The following ASB7 variants were observed in gnomAD, a reference collection of about 807,000 sequenced individuals.
ASB7 encodes ankyrin repeat and SOCS box containing 7, also known as ankyrin repeat and SOCS box protein 7.
In ASB7, 4 loss-of-function variants were observed where a neutral mutation model predicts 32.5. The observed-to-expected ratio is 0.12, with a 90% CI of 0.06 to 0.28. The LOEUF (loss-of-function observed/expected upper bound fraction) is 0.28. ASB7 is among the 10% of genes least tolerant of loss of function. The pLI is 1.00. For missense variants in ASB7, 181 were observed against 407.1 expected (o/e 0.44, Z 4.78); for synonymous variants, 172 against 155.6 (o/e 1.11, Z -0.78).
At chr15:100,632,692 C>T (rs1054585377) in intron 5 of ASB7, among the ~76,000 whole-genome samples, 1 of 152,092 alleles carries the variant, frequency 6.6e-6, no homozygotes, top group Non-Finnish European at 1.5e-5. Context: ...GCAGAGGGGC[C>T]ACATGGTGGT....
intron 5 of ASB7, among the ~76,000 whole-genome samples, chr15:100,640,317 G>T (rs1322350891): frequency 6.6e-6 from 1 of 152,030 alleles, no homozygotes; most frequent in Non-Finnish European, 1.5e-5. Context: ...GCTAATTTTT[G>T]TATTTTTAGT....
rs550844781 is a variant in ASB7, at chr15:100,617,457, G to A, written c.211+5030G>A. On this transcript the variant is annotated intron_variant, in intron 4 of 5. Coordinates refer to ENST00000332783, the MANE Select transcript of ASB7 (RefSeq NM_198243.3). ...TTGGCCTGGGACCCTCTTGGGTCAC[G>A]CTTCTGCTCTCTCCCCACCCCTGCC... 1.4e-4 allele frequency among the ~76,000 whole-genome samples: 22 copies of A among 152,248 alleles called. No homozygotes were observed. In the East Asian group the frequency reaches 3.1e-3, roughly 21 times the overall value.
intron 5 of ASB7, among the ~76,000 whole-genome samples, chr15:100,643,002 C>T (rs1433723523): frequency 6.6e-6 from 1 of 152,230 alleles, no homozygotes; most frequent in Non-Finnish European, 1.5e-5. Context: ...TGCCACTGCA[C>T]TCCAGGCTGG....
chr15:100,648,109 TG>T (rs1422977429), intron 5 of ASB7, among the ~76,000 whole-genome samples: 1 of 152,202 alleles, frequency 6.6e-6, no homozygotes, highest in African/African-American at 2.4e-5. Context: ...ATTGGTAAAA[TG>T]GAGTTGAAAA....
rs539435305 is a variant in ASB7, at chr15:100,621,706, T to G, written c.212-7731T>G. 4.6e-5 allele frequency among the ~76,000 whole-genome samples: 7 copies of G among 151,978 alleles called. 1 individual carries two copies. The highest frequency in any genetic ancestry group is 1.7e-4 in the African/African-American group (7 of 41,470). ...TCTGTATACTTCTAGAATCCAGTAATCCCAAAGTAAAAACAAGAATGAAAT... is the reference window on the plus strand; with the variant it reads ...TCTGTATACTTCTAGAATCCAGTAAGCCCAAAGTAAAAACAAGAATGAAAT... On this transcript the variant is annotated intron_variant, in intron 4 of 5. Coordinates refer to ENST00000332783, the MANE Select transcript of ASB7 (RefSeq NM_198243.3).
chr15:100,619,505 C>A (rs141480443), intron 4 of ASB7, among the ~76,000 whole-genome samples: 135 of 152,164 alleles, frequency 8.9e-4, no homozygotes, highest in African/African-American at 3.2e-3. Context: ...GAGCTTTTGG[C>A]CTGAGGATCA....
At chr15:100,622,823 G>A (rs929588538) in intron 4 of ASB7, among the ~76,000 whole-genome samples, 9 of 152,120 alleles carry the variant, frequency 5.9e-5, no homozygotes, top group African/African-American at 1.2e-4. Context: ...GACCTGGAAC[G>A]TCACATCTAC....
intron 5 of ASB7, chr15:100,646,768 C>T (rs779132929): frequency 4.9e-4 from 76 of 153,572 alleles, no homozygotes; most frequent in Non-Finnish European, 9.4e-4. Context: ...CACAGGTAAG[C>T]GAGAAGTTGC....
chr15:100,626,443 A>T (rs1484853171), intron 4 of ASB7, among the ~76,000 whole-genome samples: 1 of 152,220 alleles, frequency 6.6e-6, no homozygotes, highest in Non-Finnish European at 1.5e-5. Context: ...AATTAAAATG[A>T]CTAATGATAC....
chr15:100,623,655 C>A (rs1027488183), intron 4 of ASB7, among the ~76,000 whole-genome samples: 4 of 152,160 alleles, frequency 2.6e-5, no homozygotes, highest in Admixed American at 2.6e-4. Flanking sequence ...ATTAGTATAA[C>A]CACTGTGGAA....
intron 4 of ASB7, among the ~76,000 whole-genome samples, chr15:100,628,491 G>A (rs2039858890): frequency 6.6e-6 from 1 of 152,066 alleles, no homozygotes; most frequent in Non-Finnish European, 1.5e-5. Flanking sequence ...TTTCATCCTG[G>A]GTAGTTAGGT....
chr15:100,648,296 AAC>A, intron 5 of ASB7, 25 bp from the exon 6 acceptor site: 1 of 1,564,720 alleles, frequency 6.4e-7, no homozygotes, highest in East Asian at 2.3e-5. Context: ...GTGGCTTTGT[AAC>A]ATTTTCTTTT....
Position 100,629,517 on chromosome 15 carries a change from C to T in ASB7, c.292C>T (p.Arg98Cys). 2.5e-6 allele frequency: 4 copies of T among 1,614,036 alleles called. No individual in the cohort carries two copies. The highest frequency in any genetic ancestry group is 1.3e-5 in the African/African-American group (1 of 75,044). The change falls in exon 5 of 6, where the codon CGC becomes TGC. Residue 98 changes from arginine (R) to cysteine (C), a missense_variant. By Grantham distance (180) the Arg-to-Cys change is radical. Coordinates refer to ENST00000332783, the MANE Select transcript of ASB7 (RefSeq NM_198243.3). This position sits in a 1 kb window ranked among gnomAD's most constrained non-coding sequence, Gnocchi z 6.8. ...CATGCATGGCCGGGCCCGCATTGCACGCTTGATGTTAGAATCTGAATACAG... is the reference window on the plus strand; with the variant it reads ...CATGCATGGCCGGGCCCGCATTGCATGCTTGATGTTAGAATCTGAATACAG... Reference protein sequence around the residue: ...AAMHGRARIARLMLESEYRSD... With the variant: ...AAMHGRARIACLMLESEYRSD...
At chr15:100,619,300 A>G (rs181588710) in intron 4 of ASB7, among the ~76,000 whole-genome samples, 1 of 152,236 alleles carries the variant, frequency 6.6e-6, no homozygotes, top group Non-Finnish European at 1.5e-5. Flanking sequence ...GTTCAGTAAG[A>G]TTGGAATATA....
Position 100,651,449 on chromosome 15 carries a change from C to T in ASB7, c.*2987C>T, listed in dbSNP as rs1297336838. 3 of 152,122 alleles carry T rather than the reference C, an allele frequency of 2.0e-5. No homozygotes were observed. Among genetic ancestry groups the T allele is most frequent in the African/African-American group, 4.8e-5 (2 of 41,416 alleles). The allele number at this position is 152,122 out of a possible 1,614,324, so 9.4% of individuals were successfully genotyped here. Reference sequence around the variant, plus strand: ...GAGCATGAGGGACTCTAGCATGACTCGTCAGATGCACACCCCAAGAGACAA... The same window carrying T: ...GAGCATGAGGGACTCTAGCATGACTTGTCAGATGCACACCCCAAGAGACAA... On this transcript the variant is annotated 3_prime_UTR_variant, in exon 6 of 6. Transcript: ENST00000332783.
At chr15:100,627,889 T>G (rs971343824) in intron 4 of ASB7, among the ~76,000 whole-genome samples, 2 of 152,206 alleles carry the variant, frequency 1.3e-5, no homozygotes, top group African/African-American at 4.8e-5. Context: ...GACTTTGAAC[T>G]TCTGGTAAGC....
intron 5 of ASB7, among the ~76,000 whole-genome samples, chr15:100,647,694 C>T (rs1169783312): frequency 6.6e-6 from 1 of 152,174 alleles, no homozygotes; most frequent in Non-Finnish European, 1.5e-5. Context: ...TTCTGCTGCA[C>T]TCCTCAACTG....
chr15:100,631,534 A>G (rs961484368), intron 5 of ASB7, among the ~76,000 whole-genome samples: 2 of 152,154 alleles, frequency 1.3e-5, no homozygotes, highest in African/African-American at 4.8e-5. Flanking sequence ...CTTCTACATT[A>G]GAGACTTAGT....
At chr15:100,616,549 A>G (rs2039744919) in intron 4 of ASB7, among the ~76,000 whole-genome samples, 1 of 152,214 alleles carries the variant, frequency 6.6e-6, no homozygotes, top group South Asian at 2.1e-4. Flanking sequence ...TTTCCCATAA[A>G]GACAGCCTAA....
Sources: gnomAD v4.1 joint callset for allele counts (sites outside exome capture counted in the v4.1 genomes callset) on GRCh38, gnomAD v4.1.1 for gene constraint, Gnocchi (gnomAD v3.1) non-coding constraint, MANE v1.5 for transcripts, NCBI Gene and HGNC (gene_info 2026-07-23, HGNC 2026-07-21) for gene names.